The following GALNTL6 variants were observed in gnomAD, a reference collection of about 807,000 sequenced individuals.
GALNTL6 encodes the protein polypeptide N-acetylgalactosaminyltransferase like 6.
Under a neutral mutation model 73.7 loss-of-function variants are expected in GALNTL6, and 46 were observed. The observed-to-expected ratio is 0.62, with a 90% confidence interval of 0.49 to 0.80. The LOEUF (loss-of-function observed/expected upper bound fraction) is 0.80, where lower values mean the gene tolerates loss of function less well. Ranked by LOEUF, GALNTL6 falls within the 30% of genes least tolerant of loss-of-function variation. The pLI, the probability that GALNTL6 is intolerant of heterozygous loss-of-function variation, is 0.00. For synonymous variants in GALNTL6, 259 were observed against 263.7 expected (o/e 0.98, Z 0.17); for missense variants, 604 against 755.0 (o/e 0.80, Z 2.34).
chr4:172,770,173 G>A (rs1579458458), intron 5 of GALNTL6, among the ~76,000 whole-genome samples: 1 of 151,946 alleles, frequency 6.6e-6, no homozygotes, highest in East Asian at 1.9e-4. Flanking sequence ...GGCTGAGGCA[G>A]GAGAATCGCT....
intron 2 of GALNTL6, among the ~76,000 whole-genome samples, chr4:172,030,547 C>A (rs1259012496): frequency 6.6e-6 from 1 of 151,580 alleles, no homozygotes; most frequent in African/African-American, 2.4e-5. Flanking sequence ...CCGTCTCTAC[C>A]AAAAATACAA....
intron 10 of GALNTL6, among the ~76,000 whole-genome samples, chr4:172,982,122 G>C (rs1343255056): frequency 4.6e-5 from 7 of 152,096 alleles, no homozygotes; most frequent in Admixed American, 1.3e-4. Context: ...TAAGTCTTTT[G>C]ATCCAAGAAC....
In GALNTL6 at chr4:171,899,912, C is replaced by G. The variant is rs189323505; in HGVS notation, c.138+85194C>G. On this transcript the variant is annotated intron_variant, in intron 2 of 12. Transcript: ENST00000506823. ...TTACAAAAGTCATTCCCTTCCACAC[C>G]CTACTTCCCTCTATGTGTCTGTCAT... 5.3e-5 allele frequency among the ~76,000 whole-genome samples: 8 copies of G among 152,222 alleles called. No homozygotes were observed. In the East Asian group the frequency reaches 1.5e-3, roughly 29 times the overall value.
At chr4:172,074,377 A>C (rs191675974) in intron 2 of GALNTL6, among the ~76,000 whole-genome samples, 2 of 152,210 alleles carry the variant, frequency 1.3e-5, no homozygotes, top group African/African-American at 4.8e-5. Context: ...AGAAGGAATT[A>C]ATGAAGCAAA....
At chr4:173,027,524 A>G (rs6832624) in intron 12 of GALNTL6, among the ~76,000 whole-genome samples, 4,214 of 152,316 alleles carry the variant, frequency 0.028, 185 homozygotes, top group African/African-American at 0.089. Context: ...TCTTAGCCAT[A>G]CAGAAAGTAA....
chr4:171,843,736 A>G lies in GALNTL6; in HGVS notation c.138+29018A>G, dbSNP rs548534850. Among the ~76,000 whole-genome samples, 54 of 152,322 alleles carry G rather than the reference A, an allele frequency of 3.5e-4. 1 individual carries two copies. The highest frequency in any genetic ancestry group is 1.3e-3 in the African/African-American group (53 of 41,584). On this transcript the variant is annotated intron_variant, in intron 2 of 12. Coordinates refer to ENST00000506823, the MANE Select transcript of GALNTL6 (RefSeq NM_001034845.3). ...ATGTTGGATGAATTTACTGCCAAAAAAAATTCCAAGCAAACAAAAATCTAC... is the reference window on the plus strand; with the variant it reads ...ATGTTGGATGAATTTACTGCCAAAAGAAATTCCAAGCAAACAAAAATCTAC...
intron 5 of GALNTL6, among the ~76,000 whole-genome samples, chr4:172,490,904 T>C (rs1733871949): frequency 6.6e-6 from 1 of 152,140 alleles, no homozygotes; most frequent in Non-Finnish European, 1.5e-5. Context: ...CATTTATTCA[T>C]TTATAAGTAT....
At chr4:172,001,214 GAAGA>G (rs1251333975) in intron 2 of GALNTL6, among the ~76,000 whole-genome samples, 1 of 152,140 alleles carries the variant, frequency 6.6e-6, no homozygotes, top group Non-Finnish European at 1.5e-5. Flanking sequence ...TTGACATTAA[GAAGA>G]AAGAAGTTAG....
At chr4:173,022,090 A>AAG (rs1554012035) in intron 12 of GALNTL6, among the ~76,000 whole-genome samples, 5 of 66,242 alleles carry the variant, frequency 7.5e-5, no homozygotes, top group African/African-American at 2.6e-4. Context: ...AAGGAAGGAA[A>AAG]GAAGGAAGGA....
At chr4:172,281,387 C>T (rs1322562289) in intron 3 of GALNTL6, among the ~76,000 whole-genome samples, 2 of 152,002 alleles carry the variant, frequency 1.3e-5, no homozygotes, top group African/African-American at 4.8e-5. Flanking sequence ...TTCTTGACTT[C>T]CTATTTCTCT....
intron 5 of GALNTL6, among the ~76,000 whole-genome samples, chr4:172,451,520 G>A (rs1464452246): frequency 6.6e-6 from 1 of 152,176 alleles, no homozygotes; most frequent in Non-Finnish European, 1.5e-5. Flanking sequence ...TTGATAGAAA[G>A]TGGTAAGGAT....
intron 2 of GALNTL6, among the ~76,000 whole-genome samples, chr4:172,156,540 A>AGTATATATGTATATATAGTGT (rs58197299): frequency 8.0e-6 from 1 of 125,186 alleles, no homozygotes; most frequent in African/African-American, 3.4e-5. Flanking sequence ...ATATATATAT[A>AGTATATATGTATATATAGTGT]ATATATATAT....
chr4:172,163,839 A>G (rs1734543849), intron 2 of GALNTL6, among the ~76,000 whole-genome samples: 1 of 152,010 alleles, frequency 6.6e-6, no homozygotes, highest in Non-Finnish European at 1.5e-5. Context: ...CACACACACA[A>G]AAACAAACAG....
chr4:172,711,532 G>T (rs1269624016), intron 5 of GALNTL6, among the ~76,000 whole-genome samples: 2 of 152,132 alleles, frequency 1.3e-5, no homozygotes, highest in Non-Finnish European at 2.9e-5. Context: ...AGTCAAAATT[G>T]AATGTGTGCC....
intron 5 of GALNTL6, among the ~76,000 whole-genome samples, chr4:172,727,610 G>A (rs936310375): frequency 6.6e-6 from 1 of 152,122 alleles, no homozygotes; most frequent in Non-Finnish European, 1.5e-5. Flanking sequence ...CTAACAAAGT[G>A]TGTCACATGC....
chr4:171,868,982 CA>C (rs1394470174), intron 2 of GALNTL6, among the ~76,000 whole-genome samples: 1 of 152,128 alleles, frequency 6.6e-6, no homozygotes. Flanking sequence ...TGTCTTGCCT[CA>C]AAATTCTTTT....
intron 2 of GALNTL6, among the ~76,000 whole-genome samples, chr4:172,011,734 AG>A (rs1166596048): frequency 6.6e-6 from 1 of 152,082 alleles, no homozygotes; most frequent in Non-Finnish European, 1.5e-5. Flanking sequence ...TTTAGGAAAA[AG>A]GTCATTTGAA....
intron 8 of GALNTL6, among the ~76,000 whole-genome samples, chr4:172,888,419 C>T (rs1745843677): frequency 6.6e-6 from 1 of 152,162 alleles, no homozygotes; most frequent in Non-Finnish European, 1.5e-5. Context: ...ATCCAGTTAT[C>T]CCAGCACTAT....
chr4:172,281,374 A>T (rs922737519), intron 3 of GALNTL6, among the ~76,000 whole-genome samples: 2 of 151,928 alleles, frequency 1.3e-5, no homozygotes, highest in Admixed American at 6.6e-5. Context: ...ACATCCTCTG[A>T]GTTTCTTGAC....
Sources: allele counts gnomAD v4.1 joint callset (sites outside exome capture counted in the v4.1 genomes callset), GRCh38; gene constraint gnomAD v4.1.1; transcripts MANE v1.5; gene names NCBI Gene and HGNC (gene_info 2026-07-23, HGNC 2026-07-21).